ATM: variants seen among roughly 807,000 people sequenced by gnomAD.
ATM encodes the protein serine-protein kinase ATM.
In ATM, 308 loss-of-function variants were observed where a neutral mutation model predicts 387.0. The observed-to-expected ratio is 0.80, with a 90% CI of 0.73 to 0.87. ATM has a LOEUF of 0.87. ATM is among the 40% of genes least tolerant of loss of function. The probability of loss-of-function intolerance (pLI) is 0.00; values close to 1 mark genes in which losing one functional copy is unlikely to be tolerated. For missense variants in ATM, 3,312 were observed against 3,560.9 expected (o/e 0.93, Z 1.78); for synonymous variants, 1,156 against 1,187.3 (o/e 0.97, Z 0.54).
chr11:108,314,875 C>T (rs1198752250), intron 40 of ATM, among the ~76,000 whole-genome samples: 7 of 152,094 alleles, frequency 4.6e-5, no homozygotes, highest in East Asian at 3.9e-4. Flanking sequence ...TTATCAATAC[C>T]GTAAGTTTAT....
At chr11:108,245,206 G>A (rs2079785277) in intron 7 of ATM, among the ~76,000 whole-genome samples, 180 bp downstream of exon 7, 1 of 152,110 alleles carries the variant, frequency 6.6e-6, no homozygotes, top group Admixed American at 6.6e-5. Flanking sequence ...AGTGGTAGCA[G>A]ATTCTGTTAT....
chr11:108,343,401 G>A lies in ATM; in HGVS notation c.8418+30G>A, dbSNP rs191244813. On this transcript the variant is annotated intron_variant, in intron 57 of 62. Transcript: ENST00000675843. ...GTGACACCCAAAATTAAAGGTTATT[G>A]TAAGATTATTTAATGGCTTATTAAA... 78 of 1,612,390 alleles carry A rather than the reference G, an allele frequency of 4.8e-5. No individual in the cohort carries two copies. The African/African-American group carries it at 8.8e-4, about 18-fold the overall frequency.
rs864622606 is a variant in ATM at position 108,268,586 on chromosome 11, A to G, written c.2815A>G (p.Thr939Ala). 3 of 1,613,922 alleles carry G rather than the reference A, an allele frequency of 1.9e-6. No homozygotes were observed. Among genetic ancestry groups the G allele is most frequent in the South Asian group, 1.1e-5 (1 of 91,086 alleles). Residue 939 changes from threonine (T) to alanine (A), a missense_variant, in exon 18 of 63, where the codon ACC becomes GCC. Transcript: ENST00000675843. ...AATTGATTCTAGCACGCTAGAACCT[A>G]CCAAATCCCTCCACCTGCATATGGT... is the stretch of plus-strand genomic sequence containing the variant. ...MLIDSSTLEP[T>A]KSLHLHMYLM...
intron 13 of ATM, among the ~76,000 whole-genome samples, 189 bp from the exon 14 acceptor site, chr11:108,256,026 T>C (rs1161227287): frequency 6.6e-6 from 1 of 152,180 alleles, no homozygotes; most frequent in East Asian, 1.9e-4. Context: ...CTATTTTTCT[T>C]GAGAATCCTG....
chr11:108,267,383 T>A, intron 17 of ATM, 41 bp downstream of exon 17: 2 of 1,592,922 alleles, frequency 1.3e-6, no homozygotes, highest in Non-Finnish European at 1.7e-6. Context: ...TTTACTTCTT[T>A]ATATTGATTT....
chr11:108,368,668 C>A lies in ATM; in HGVS notation c.*3160C>A. On this transcript the variant is annotated 3_prime_UTR_variant, in exon 63 of 63. Transcript: ENST00000675843. Reference sequence around the variant, plus strand: ...AATGAAAACCAAATAGTGAAGCTATCAGAGAAGCTAATAAATTATAGACTG... The same window carrying A: ...AATGAAAACCAAATAGTGAAGCTATAAGAGAAGCTAATAAATTATAGACTG... The A allele has an allele frequency of 4.6e-6, 1 of 217,604 alleles. No individual in the cohort carries two copies. 13.5% of individuals were successfully genotyped at this position (217,604 alleles called of 1,614,324 possible). A position where few individuals can be genotyped will look rare whatever the true frequency, so the allele number is the denominator to read the frequency against.
chr11:108,229,078 G>A, intron 3 of ATM, 100 bp from the exon 4 acceptor site: 3 of 1,193,628 alleles, frequency 2.5e-6, no homozygotes, highest in Non-Finnish European at 3.6e-6. Context: ...TAAGCAAGGT[G>A]GTTTAAAAGT....
chr11:108,344,738 G>C (rs756374552), intron 57 of ATM, among the ~76,000 whole-genome samples: 1 of 151,976 alleles, frequency 6.6e-6, no homozygotes, highest in African/African-American at 2.4e-5. Context: ...GTGTGGTAGC[G>C]CATGCCTGTA....
At chr11:108,254,118 G>A (rs1464598597) in intron 13 of ATM, 79 bp downstream of exon 13, 9 of 1,377,960 alleles carry the variant, frequency 6.5e-6, no homozygotes, top group Non-Finnish European at 9.1e-6. Context: ...AATAGGGGCA[G>A]GAAAAACAGC....
chr11:108,279,530 G>A lies in ATM; in HGVS notation c.3324G>A (p.Leu1108=), dbSNP rs762269034. 6.2e-7 allele frequency: 1 copy of A among 1,613,506 alleles called. No individual in the cohort carries two copies. The highest frequency in any genetic ancestry group is 1.3e-5 in the African/African-American group (1 of 74,910). ...QDTKGDSSRL[L]KALPLKLQQT... is the part of the protein sequence containing the mutation. ...CGAAGGGAGATTCTTCCAGGTTACT[G>A]AAAGCACTTCCTTTGAAGCTTCAGC... Residue 1108 remains leucine (L), a synonymous_variant, in exon 23 of 63, where the codon CTG becomes CTA. Transcript: ENST00000675843.
intron 59 of ATM, among the ~76,000 whole-genome samples, chr11:108,349,025 C>G (rs2088843219): frequency 6.6e-6 from 1 of 152,076 alleles, no homozygotes; most frequent in Non-Finnish European, 1.5e-5. Flanking sequence ...GTTGAAGTCA[C>G]TGGGCTGGAG....
chr11:108,327,889 G>A, intron 48 of ATM, 131 bp downstream of exon 48: 1 of 793,052 alleles, frequency 1.3e-6, no homozygotes, highest in Admixed American at 2.1e-5. Context: ...TACTGTTGTA[G>A]CTCTGTATAG....
At position 108,332,433 on chromosome 11, in the gene ATM, A is replaced by AAATTAATTAATT. The variant is rs4988124; in HGVS notation, c.7789-314_7789-303dup. Among the ~76,000 whole-genome samples the AAATTAATTAATT allele has an allele frequency of 2.6e-5, 4 of 151,742 alleles. No individual in the cohort carries two copies. The South Asian group carries it at 8.3e-4, about 32-fold the overall frequency. ...GGCAACAAGAGCGAAACTCTGTCTC[A>AAATTAATTAATT]AATTAATTAATTAATTAATTAATTA... On this transcript the variant is annotated intron_variant, in intron 52 of 62. Coordinates refer to ENST00000675843, the MANE Select transcript of ATM (RefSeq NM_000051.4).
intron 5 of ATM, among the ~76,000 whole-genome samples, chr11:108,239,458 T>TA (rs1241195560): frequency 6.6e-6 from 1 of 152,246 alleles, no homozygotes; most frequent in Non-Finnish European, 1.5e-5. Flanking sequence ...TCATCAGTGT[T>TA]ACAGCTTTTG....
Position 108,265,628 on chromosome 11 carries a change from C to T in ATM, c.2467-1543C>T, listed in dbSNP as rs1401354429. 8.0e-5 allele frequency among the ~76,000 whole-genome samples: 12 copies of T among 150,012 alleles called. No individual in the cohort carries two copies. The South Asian group carries it at 1.7e-3, about 21-fold the overall frequency. ...CAATGGCAACAAAAGACAGAATTGACAAATGGGATCTAATTAAACTAAAGA... is the reference window on the plus strand; with the variant it reads ...CAATGGCAACAAAAGACAGAATTGATAAATGGGATCTAATTAAACTAAAGA... On this transcript the variant is annotated intron_variant, in intron 16 of 62. Transcript: ENST00000675843.
At chr11:108,362,287 A>T (rs2090860499) in intron 61 of ATM, among the ~76,000 whole-genome samples, 1 of 150,758 alleles carries the variant, frequency 6.6e-6, no homozygotes, top group Admixed American at 6.7e-5. Flanking sequence ...GTCATTAAAA[A>T]GTCAGGAAAC....
intron 27 of ATM, among the ~76,000 whole-genome samples, 159 bp downstream of exon 27, chr11:108,287,874 A>G (rs1313340247): frequency 2.0e-5 from 3 of 152,208 alleles, no homozygotes; most frequent in Non-Finnish European, 4.4e-5. Flanking sequence ...GTAATTACCT[A>G]TCCTCTTTTA....
Position 108,345,735 on chromosome 11 carries a change from A to T in ATM, c.8419-8A>T, listed in dbSNP as rs567215034. 6.3e-7 allele frequency: 1 copy of T among 1,588,822 alleles called. No homozygotes were observed. ...TGAAAAATAATTATATATATTCTCTATTTAAAGGAGGTGCAAAAAAAGTCT... is the reference window on the plus strand; with the variant it reads ...TGAAAAATAATTATATATATTCTCTTTTTAAAGGAGGTGCAAAAAAAGTCT... On this transcript the variant is annotated splice_polypyrimidine_tract_variant and splice_region_variant and intron_variant, in intron 57 of 62. Transcript: ENST00000675843.
intron 49 of ATM, among the ~76,000 whole-genome samples, chr11:108,329,977 G>C (rs1251051955): frequency 6.6e-6 from 1 of 152,230 alleles, no homozygotes; most frequent in East Asian, 1.9e-4. Context: ...AAGCAGAGGT[G>C]TAAGTTAGCT....
Sources: allele counts gnomAD v4.1 joint callset (sites outside exome capture counted in the v4.1 genomes callset), GRCh38; gene constraint gnomAD v4.1.1; transcripts MANE v1.5; gene names NCBI Gene and HGNC (gene_info 2026-07-23, HGNC 2026-07-21).